The following HACD3 variants were observed in gnomAD, a reference collection of about 807,000 sequenced individuals.
The protein encoded by HACD3 is very-long-chain (3R)-3-hydroxyacyl-CoA dehydratase 3.
Under a neutral mutation model 55.2 loss-of-function variants are expected in HACD3, and 30 were observed. That is an observed-to-expected ratio of 0.54 (90% CI 0.41 to 0.74). HACD3 has a LOEUF of 0.74. Ranked by LOEUF, HACD3 falls within the 30% of genes least tolerant of loss-of-function variation. The pLI is 0.00. For synonymous variants in HACD3, 141 were observed against 151.7 expected, an observed-to-expected ratio of 0.93 and a Z score of 0.52; for missense variants, 363 against 440.1, an observed-to-expected ratio of 0.82 and a Z score of 1.57.
chr15:65,569,672 C>T (rs1025717945), intron 7 of HACD3, among the ~76,000 whole-genome samples: 1 of 151,946 alleles, frequency 6.6e-6, no homozygotes, highest in African/African-American at 2.4e-5. Context: ...TGCACCACTG[C>T]ACTCCAGCCC....
chr15:65,539,912 GC>G (rs2072003530), intron 1 of HACD3, among the ~76,000 whole-genome samples: 1 of 152,168 alleles, frequency 6.6e-6, no homozygotes, highest in Non-Finnish European at 1.5e-5. Context: ...TATTGTGAAT[GC>G]CCAACGTGTT....
In HACD3 at chr15:65,577,244, G is replaced by A. The variant is rs2072412319; in HGVS notation, c.*865G>A. The A allele has an allele frequency of 6.6e-6, 1 of 152,234 alleles. No individual in the cohort carries two copies. Among genetic ancestry groups the A allele is most frequent in the African/African-American group, 2.4e-5 (1 of 41,430 alleles). The allele number at this position is 152,234 out of a possible 1,614,324, so 9.4% of individuals were successfully genotyped here. The stretch of plus-strand genomic sequence containing the variant: ...GTTCAAGACCAGCTTGGGCAACGTA[G>A]TGAGACCCCTATCTCTACAAAAAAT... On this transcript the variant is annotated 3_prime_UTR_variant, in exon 11 of 11. Coordinates refer to ENST00000261875, the MANE Select transcript of HACD3 (RefSeq NM_016395.4).
intron 1 of HACD3, among the ~76,000 whole-genome samples, chr15:65,549,558 C>G (rs961362992): frequency 1.4e-4 from 20 of 147,462 alleles, no homozygotes; most frequent in Non-Finnish European, 2.4e-4. Context: ...TGAGATGGCG[C>G]CACTGTACTC....
chr15:65,560,333 C>T (rs907893305), intron 5 of HACD3, among the ~76,000 whole-genome samples: 1 of 152,184 alleles, frequency 6.6e-6, no homozygotes, highest in Non-Finnish European at 1.5e-5. Context: ...TTACCCTACT[C>T]CTTTGACTCA....
At chr15:65,538,183 A>G (rs1243790408) in intron 1 of HACD3, among the ~76,000 whole-genome samples, 2 of 151,890 alleles carry the variant, frequency 1.3e-5, no homozygotes, top group Non-Finnish European at 2.9e-5. Context: ...TACTTTCCGT[A>G]AGGTTAAAAC....
chr15:65,539,454 C>G (rs756152637), intron 1 of HACD3, among the ~76,000 whole-genome samples: 14 of 152,094 alleles, frequency 9.2e-5, no homozygotes, highest in Middle Eastern at 3.2e-3. Flanking sequence ...CTCCTGACCT[C>G]AAGTAATCTG....
chr15:65,571,425 T>C, intron 8 of HACD3, 123 bp from the exon 9 acceptor site: 2 of 697,540 alleles, frequency 2.9e-6, no homozygotes, highest in Non-Finnish European at 2.4e-6. Flanking sequence ...GCCAGCGTTA[T>C]AATTCTGTTC....
intron 2 of HACD3, among the ~76,000 whole-genome samples, chr15:65,552,425 TC>T (rs1472124087): frequency 6.6e-6 from 1 of 152,182 alleles, no homozygotes; most frequent in African/African-American, 2.4e-5. Flanking sequence ...AACCTCCGCC[TC>T]CTGGGTTCAA....
intron 10 of HACD3, among the ~76,000 whole-genome samples, chr15:65,573,137 A>G (rs887883363): frequency 1.3e-5 from 2 of 150,768 alleles, no homozygotes; most frequent in African/African-American, 5.0e-5. Flanking sequence ...TCACAATAGG[A>G]AAGTCCCCTG....
chr15:65,532,089 A>G (rs559889118), intron 1 of HACD3, among the ~76,000 whole-genome samples: 106 of 152,272 alleles, frequency 7.0e-4, no homozygotes, highest in Non-Finnish European at 1.4e-3. Context: ...TTTCCTGTTG[A>G]AAGATGAAGA....
chr15:65,565,339 C>T (rs2072280718), intron 7 of HACD3: 1 of 152,318 alleles, frequency 6.6e-6, no homozygotes, highest in Admixed American at 6.5e-5. Flanking sequence ...AGTAGGGATT[C>T]TGTGTGGGGG....
chr15:65,571,310 G>A (rs549591315), intron 8 of HACD3, among the ~76,000 whole-genome samples: 33 of 152,104 alleles, frequency 2.2e-4, no homozygotes, highest in Non-Finnish European at 4.4e-4. Context: ...TCCGTTTACC[G>A]AATAAAGAGG....
At chr15:65,535,824 T>C in intron 1 of HACD3, 1 of 631,214 alleles carries the variant, frequency 1.6e-6, no homozygotes, top group Non-Finnish European at 2.9e-6. Context: ...GCCTACCAAG[T>C]AGGACTACAG....
intron 8 of HACD3, 31 bp downstream of exon 8, chr15:65,570,234 T>G (rs750320047): frequency 2.1e-6 from 3 of 1,443,942 alleles, no homozygotes; most frequent in Non-Finnish European, 2.9e-6. Context: ...GGTGTTTGAA[T>G]GCTGCTCCCT....
chr15:65,550,869 A>T (rs999644534), intron 1 of HACD3: 2 of 152,230 alleles, frequency 1.3e-5, no homozygotes, highest in African/African-American at 4.8e-5. Flanking sequence ...TGGAAGTAGG[A>T]GTTGGGTTGT....
chr15:65,570,910 C>G (rs1381105336), intron 8 of HACD3, among the ~76,000 whole-genome samples: 2 of 151,990 alleles, frequency 1.3e-5, no homozygotes, highest in Non-Finnish European at 2.9e-5. Context: ...CCCATGGCAC[C>G]CAGTGTACCC....
At chr15:65,574,856 A>G (rs149593223) in intron 10 of HACD3, among the ~76,000 whole-genome samples, 98 of 152,370 alleles carry the variant, frequency 6.4e-4, no homozygotes, top group African/African-American at 2.2e-3. Context: ...TTTTACCTTT[A>G]TTACTGTATA....
At chr15:65,546,389 T>A (rs1181833176) in intron 1 of HACD3, among the ~76,000 whole-genome samples, 1 of 152,202 alleles carries the variant, frequency 6.6e-6, no homozygotes, top group Non-Finnish European at 1.5e-5. Flanking sequence ...TATAATTTCT[T>A]AGGAGAGGAA....
Position 65,577,252 on chromosome 15 carries a change from CCTATCT to C in HACD3, c.*877_*882del, listed in dbSNP as rs2072412609. The C allele has an allele frequency of 6.6e-6, 1 of 152,076 alleles. No homozygotes were observed. The highest frequency in any genetic ancestry group is 1.5e-5 in the Non-Finnish European group (1 of 68,040). 9.4% of individuals were successfully genotyped at this position (152,076 alleles called of 1,614,324 possible). On this transcript the variant is annotated 3_prime_UTR_variant, in exon 11 of 11. Coordinates refer to ENST00000261875, the MANE Select transcript of HACD3 (RefSeq NM_016395.4). Reference sequence around the variant, plus strand: ...CCAGCTTGGGCAACGTAGTGAGACCCCTATCTCTACAAAAAATAAAAAAATTAGCTG... The same window carrying C: ...CCAGCTTGGGCAACGTAGTGAGACCCCTACAAAAAATAAAAAAATTAGCTG...
Sources: allele counts gnomAD v4.1 joint callset (sites outside exome capture counted in the v4.1 genomes callset), GRCh38; gene constraint gnomAD v4.1.1; transcripts MANE v1.5; gene names NCBI Gene and HGNC (gene_info 2026-07-23, HGNC 2026-07-21).